Variants in TRIM67 observed in about 807,000 individuals in gnomAD.
The protein encoded by TRIM67 is tripartite motif containing 67.
A neutral mutation model predicts 71.0 loss-of-function variants in TRIM67; 39 were observed. That is an observed-to-expected ratio of 0.55 (90% confidence interval 0.43 to 0.72). The LOEUF is 0.72. Ranked by LOEUF, TRIM67 falls within the 30% of genes least tolerant of loss-of-function variation. TRIM67 has a pLI of 0.00. For synonymous variants in TRIM67, 481 were observed against 473.9 expected (o/e 1.01, Z -0.19); for missense variants, 973 against 1,079.2 (o/e 0.90, Z 1.38).
chr1:231,208,913 C>T, intron 7 of TRIM67, 34 bp from the exon 8 acceptor site: 1 of 1,533,064 alleles, frequency 6.5e-7, no homozygotes. Flanking sequence ...ATTCCATCCC[C>T]TGACCCTGCT....
chr1:231,208,100 A>G (rs989211973), intron 7 of TRIM67, among the ~76,000 whole-genome samples: 47 of 150,866 alleles, frequency 3.1e-4, no homozygotes, highest in African/African-American at 1.1e-3. Flanking sequence ...ACCTCTGCCA[A>G]CCTGTTCAAG....
Position 231,163,960 on chromosome 1 carries a change from C to T in TRIM67, c.991C>T (p.Arg331Trp), listed in dbSNP as rs540444153. The part of the protein sequence containing the change: ...PVCYLCLEEG[R>W]HAKHEVKPLG... ...GTGTTATCTGTGCCTGGAGGAGGGC[C>T]GGCACGCCAAGCACGAGGTGAAGCC... The change falls in exon 1 of 10, where the codon CGG becomes TGG. Residue 331 changes from arginine to tryptophan, a missense_variant. This residue lies in a region of TRIM67 where 795 missense variants were observed against 831.3 expected (regional missense o/e 0.96). Coordinates refer to ENST00000366653, the MANE Select transcript of TRIM67 (RefSeq NM_001004342.5). 1.3e-6 allele frequency: 2 copies of T among 1,582,818 alleles called. No individual in the cohort carries two copies. The highest frequency in any genetic ancestry group is 4.6e-5 in the East Asian group (2 of 43,334).
chr1:231,165,440 A>G (rs768428396), intron 1 of TRIM67, among the ~76,000 whole-genome samples: 7 of 152,216 alleles, frequency 4.6e-5, no homozygotes, highest in Non-Finnish European at 1.0e-4. Context: ...CCTTAAATAT[A>G]ATTGATAAAT....
chr1:231,203,897 A>T lies in TRIM67; in HGVS notation c.1565A>T (p.Lys522Ile), dbSNP rs1170380627. The change falls in exon 6 of 10, where the codon AAA becomes ATA. Residue 522 changes from lysine (K) to isoleucine (I), a missense_variant. Coordinates refer to ENST00000366653, the MANE Select transcript of TRIM67 (RefSeq NM_001004342.5). ...VPPVPLLQLE[K>I]CCTRNNSVTL... ...CCCGTCCCCCTACTGCAGCTGGAGA[A>T]ATGCTGCACCCGTAACAACAGCGTC... 6.2e-7 allele frequency: 1 copy of T among 1,613,874 alleles called. No homozygotes were observed. Among genetic ancestry groups the T allele is most frequent in the African/African-American group, 1.3e-5 (1 of 75,048 alleles).
intron 1 of TRIM67, among the ~76,000 whole-genome samples, chr1:231,186,496 G>A (rs758025610): frequency 6.6e-6 from 1 of 152,150 alleles, no homozygotes; most frequent in African/African-American, 2.4e-5. Context: ...GCCCCTGAGG[G>A]CTCTGGGAAG....
chr1:231,206,702 C>T lies in TRIM67; in HGVS notation c.1731C>T (p.Phe577=). ...TGTGTACCATCGACGGTCTTCACTT[C>T]AACAGCACCTACAACGCCCGAGTCA... ...ETLCTIDGLH[F]NSTYNARVKA... The change falls in exon 7 of 10, where the codon TTC becomes TTT. Residue 577 remains phenylalanine, a synonymous_variant. Coordinates refer to ENST00000366653, the MANE Select transcript of TRIM67 (RefSeq NM_001004342.5). The T allele has an allele frequency of 6.2e-7, 1 of 1,611,860 alleles. No homozygotes were observed. The highest frequency in any genetic ancestry group is 1.1e-5 in the South Asian group (1 of 90,502).
In TRIM67 at chr1:231,209,016, C is replaced by T. The variant is rs1248510364; in HGVS notation, c.1889C>T (p.Ala630Val). 4.3e-6 allele frequency: 7 copies of T among 1,612,564 alleles called. No homozygotes were observed. Among genetic ancestry groups the T allele is most frequent in the Non-Finnish European group, 5.9e-6 (7 of 1,178,794 alleles). Residue 630 changes from alanine to valine, a missense_variant, in exon 8 of 10, where the codon GCC becomes GTC. Transcript: ENST00000366653. This position sits in a 1 kb window ranked among gnomAD's most constrained non-coding sequence, Gnocchi z 4.1. ...DIILSNDNQT[A>V]TCSSYDDRVV... The stretch of plus-strand genomic sequence containing the variant: ...ATTTTATCCAATGACAACCAGACAG[C>T]CACCTGCAGCAGCTATGACGACCGG...
chr1:231,201,180 T>G (rs761327266), intron 4 of TRIM67, among the ~76,000 whole-genome samples, 178 bp from the exon 5 acceptor site: 1 of 152,212 alleles, frequency 6.6e-6, no homozygotes, highest in Non-Finnish European at 1.5e-5. Context: ...TTTCAATGCA[T>G]TTTTAGACAG....
intron 1 of TRIM67, among the ~76,000 whole-genome samples, chr1:231,193,504 C>CTCTCTCTCTCTT (rs1491574302): frequency 0.01 from 79 of 7,780 alleles, 1 homozygote; most frequent in African/African-American, 0.035. Flanking sequence ...CTCTCTCAAG[C>CTCTCTCTCTCTT]TCTCTCTCTC....
intron 5 of TRIM67, 83 bp from the exon 6 acceptor site, chr1:231,203,784 C>T: frequency 1.3e-6 from 2 of 1,513,774 alleles, no homozygotes; most frequent in Middle Eastern, 2.3e-4. Flanking sequence ...GAGGCCAGGA[C>T]CCCTGGGATG....
chr1:231,210,089 G>A (rs1043908094), intron 8 of TRIM67, among the ~76,000 whole-genome samples: 1 of 152,210 alleles, frequency 6.6e-6, no homozygotes, highest in Non-Finnish European at 1.5e-5. Context: ...GGGGATGGAC[G>A]TGGGGGTGAA....
In TRIM67 at chr1:231,219,861, A is replaced by G. The variant is rs1188533438; in HGVS notation, c.*4421A>G. The stretch of plus-strand genomic sequence containing the variant: ...TCAAAGGATCCTGCAGCTTTAACCT[A>G]ATATCTAGGCTGTAAAAATATGAGG... On this transcript the variant is annotated 3_prime_UTR_variant, in exon 10 of 10. Coordinates refer to ENST00000366653, the MANE Select transcript of TRIM67 (RefSeq NM_001004342.5). The G allele has an allele frequency of 1.6e-6, 2 of 1,289,616 alleles. No individual in the cohort carries two copies. The highest frequency in any genetic ancestry group is 2.3e-5 in the Admixed American group (1 of 43,524). The allele number at this position is 1,289,616 out of a possible 1,614,324, so 79.9% of individuals were successfully genotyped here. A position where few individuals can be genotyped will look rare whatever the true frequency, so the allele number is the denominator to read the frequency against.
intron 8 of TRIM67, among the ~76,000 whole-genome samples, chr1:231,212,879 C>T (rs1184803032): frequency 1.3e-5 from 2 of 152,152 alleles, no homozygotes; most frequent in Admixed American, 6.5e-5. Flanking sequence ...CAAAGTACGA[C>T]GTTGCCAACA....
intron 4 of TRIM67, 58 bp downstream of exon 4, chr1:231,200,316 C>G: frequency 9.0e-7 from 1 of 1,113,940 alleles, no homozygotes; most frequent in Non-Finnish European, 1.4e-6. Flanking sequence ...CACTGTTCCC[C>G]AAATCAGCCC....
At chr1:231,174,152 C>CTTTTTTTTTTTTTT (rs35651112) in intron 1 of TRIM67, among the ~76,000 whole-genome samples, 39 of 127,328 alleles carry the variant, frequency 3.1e-4, no homozygotes, top group Non-Finnish European at 3.9e-4. Context: ...GTCTTATTTT[C>CTTTTTTTTTTTTTT]TTTTTTTTTT....
At chr1:231,187,413 C>T (rs1156747309) in intron 1 of TRIM67, 3 of 1,032,172 alleles carry the variant, frequency 2.9e-6, no homozygotes, top group Non-Finnish European at 4.0e-6. Context: ...AAAAATGAGT[C>T]ATTTACATTT....
intron 1 of TRIM67, chr1:231,186,198 T>G (rs1332808364): frequency 1.3e-6 from 2 of 1,522,412 alleles, no homozygotes; most frequent in Non-Finnish European, 1.8e-6. Context: ...GCAGTGGAAC[T>G]CTTGAGCCCA....
rs762424924 is a variant in TRIM67 at position 231,163,861 on chromosome 1, C to G, written c.892C>G (p.Arg298Gly). The part of the protein sequence containing the change: ...GAGATGGSTA[R>G]KFPTCPEHEM... ...GGGGGCGACTGGGGGCAGCACGGCCCGCAAGTTCCCCACGTGTCCCGAGCA... is the reference window on the plus strand; with the variant it reads ...GGGGGCGACTGGGGGCAGCACGGCCGGCAAGTTCCCCACGTGTCCCGAGCA... The change falls in exon 1 of 10, where the codon CGC becomes GGC. Residue 298 changes from arginine (R) to glycine (G), a missense_variant. Arg to Gly is a moderately radical substitution (Grantham distance 125). Around this residue, in one of 2 missense-constraint regions of TRIM67, gnomAD observed 795 missense variants for 831.3 expected, o/e 0.96. Transcript: ENST00000366653. 1.9e-6 allele frequency: 3 copies of G among 1,565,232 alleles called. 1 individual carries two copies. Among genetic ancestry groups the G allele is most frequent in the South Asian group, 2.4e-5 (2 of 84,832 alleles).
chr1:231,206,903 G>C (rs954095451), intron 7 of TRIM67, 113 bp downstream of exon 7: 15 of 1,178,992 alleles, frequency 1.3e-5, no homozygotes, highest in Non-Finnish European at 1.7e-5. Flanking sequence ...GGGTGGTGCT[G>C]GGCACGGCTG....
Sources: gnomAD v4.1 joint callset for allele counts (sites outside exome capture counted in the v4.1 genomes callset) on GRCh38, gnomAD v4.1.1 for gene constraint, gnomAD v4.1.1 regional missense constraint, Gnocchi (gnomAD v3.1) non-coding constraint, MANE v1.5 for transcripts, NCBI Gene and HGNC (gene_info 2026-07-23, HGNC 2026-07-21) for gene names.